INPP5D: variants seen among roughly 807,000 people sequenced by gnomAD.
The protein encoded by INPP5D is phosphatidylinositol 3,4,5-trisphosphate 5-phosphatase 1.
INPP5D carries 33 observed loss-of-function variants against 122.9 expected under a neutral mutation model. That is an observed-to-expected ratio of 0.27 (90% CI 0.20 to 0.36). The LOEUF is 0.36. Ranked by LOEUF, INPP5D falls within the 10% of genes least tolerant of loss-of-function variation. INPP5D has a pLI of 1.00. For synonymous variants in INPP5D, 584 were observed against 576.2 expected (o/e 1.01, Z -0.19); for missense variants, 1,053 against 1,412.7 (o/e 0.75, Z 4.08).
At chr2:233,110,857 G>A (rs541333964) in intron 2 of INPP5D, among the ~76,000 whole-genome samples, 27 of 151,994 alleles carry the variant, frequency 1.8e-4, no homozygotes, top group Non-Finnish European at 3.7e-4. Flanking sequence ...CTCGGGAGGC[G>A]GAGGTTGCAG....
Position 233,197,436 on chromosome 2 carries a change from C to T in INPP5D, c.2694-659C>T, listed in dbSNP as rs1229076080. On this transcript the variant is annotated intron_variant, in intron 24 of 26. Coordinates refer to ENST00000445964, the MANE Select transcript of INPP5D (RefSeq NM_001017915.3). This position sits in a 1 kb window ranked among gnomAD's most constrained non-coding sequence, Gnocchi z 4.4. ...CAGAGGAACCCCTGCTGGAGTCTGC[C>T]CTGAAAATCCCCTCCTTCCTGCCAC... Among the ~76,000 whole-genome samples the T allele has an allele frequency of 1.3e-5, 2 of 152,030 alleles. No individual in the cohort carries two copies. Among genetic ancestry groups the T allele is most frequent in the Admixed American group, 6.6e-5 (1 of 15,258 alleles).
intron 1 of INPP5D, 135 bp from the exon 2 acceptor site, chr2:233,079,200 G>C: frequency 1.5e-6 from 1 of 645,846 alleles, no homozygotes; most frequent in South Asian, 1.7e-5. Flanking sequence ...TCCATCTTAA[G>C]AGAACGGTCA....
At chr2:233,171,282 A>G in intron 17 of INPP5D, 130 bp downstream of exon 17, 1 of 1,399,578 alleles carries the variant, frequency 7.1e-7, no homozygotes, top group African/African-American at 1.5e-5. Flanking sequence ...ATTAGAAAGC[A>G]CATGTTGATT....
In INPP5D at chr2:233,136,645, T is replaced by G. The variant is rs548637916; in HGVS notation, c.666-3197T>G. Among the ~76,000 whole-genome samples the G allele has an allele frequency of 2.0e-5, 3 of 152,324 alleles. No individual in the cohort carries two copies. The East Asian group carries it at 5.8e-4, about 29-fold the overall frequency. On this transcript the variant is annotated intron_variant, in intron 5 of 26. Coordinates refer to ENST00000445964, the MANE Select transcript of INPP5D (RefSeq NM_001017915.3). The stretch of plus-strand genomic sequence containing the variant: ...GATATTCATGAACAAAGATCCAATG[T>G]GTACCAACTATCTGCAAGGCACTGT...
At position 233,169,734 on chromosome 2, in the gene INPP5D, T is replaced by C. The variant is rs928764474; in HGVS notation, c.1653-292T>C. 1.7e-5 allele frequency: 10 copies of C among 585,470 alleles called. No individual in the cohort carries two copies. The African/African-American group carries it at 1.9e-4, about 11-fold the overall frequency. 36.3% of individuals were successfully genotyped at this position (585,470 alleles called of 1,614,324 possible). ...ATCTTGCCTAGCTGGGGCCCAGGAA[T>C]GAAGACAGCCATCTAGAATCTTCAC... On this transcript the variant is annotated intron_variant, in intron 14 of 26. Coordinates refer to ENST00000445964, the MANE Select transcript of INPP5D (RefSeq NM_001017915.3).
intron 2 of INPP5D, among the ~76,000 whole-genome samples, chr2:233,087,980 AT>A (rs375789365): frequency 5.4e-5 from 8 of 147,030 alleles, no homozygotes; most frequent in Admixed American, 2.0e-4. Context: ...TGAGCTCCTC[AT>A]TTTTTTTTTC....
rs1301810339 is a variant in INPP5D at position 233,102,509 on chromosome 2, A to T, written c.199-19598A>T. On this transcript the variant is annotated intron_variant, in intron 2 of 26. Transcript: ENST00000445964. ...TGGCAATTAATTCAGCTCAAATCAG[A>T]GAAGCCACAGCAGAGCTAAGAACCG... Among the ~76,000 whole-genome samples the T allele has an allele frequency of 2.0e-5, 3 of 152,262 alleles. No homozygotes were observed. The East Asian group carries it at 5.8e-4, about 29-fold the overall frequency.
chr2:233,087,079 A>G (rs981978429), intron 2 of INPP5D, among the ~76,000 whole-genome samples: 2 of 152,214 alleles, frequency 1.3e-5, no homozygotes, highest in African/African-American at 2.4e-5. Context: ...TGCTTATTGC[A>G]GGATGGTTTC....
chr2:233,135,345 A>C (rs1057447710), intron 5 of INPP5D, among the ~76,000 whole-genome samples: 1 of 152,026 alleles, frequency 6.6e-6, no homozygotes, highest in Non-Finnish European at 1.5e-5. Context: ...ACAGGCATGC[A>C]CCACCATGCC....
At chr2:233,092,684 G>A (rs903579705) in intron 2 of INPP5D, among the ~76,000 whole-genome samples, 1 of 152,212 alleles carries the variant, frequency 6.6e-6, no homozygotes, top group Non-Finnish European at 1.5e-5. Context: ...ATTGCATGTG[G>A]CAGAAGGAAA....
chr2:233,198,258 C>G lies in INPP5D; in HGVS notation c.2857C>G (p.Leu953Val), dbSNP rs1249543946. The G allele has an allele frequency of 1.2e-6, 2 of 1,613,544 alleles. No individual in the cohort carries two copies. The highest frequency in any genetic ancestry group is 8.5e-7 in the Non-Finnish European group (1 of 1,179,868). ...SYDQPPKDSPLGPCRGESPPT... is the reference protein window; with the variant it reads ...SYDQPPKDSPVGPCRGESPPT... The stretch of plus-strand genomic sequence containing the variant: ...CGACCAGCCGCCCAAGGACTCCCCG[C>G]TGGGGCCCTGCAGGGGAGAAAGTCC... The change falls in exon 25 of 27, where the codon CTG (leucine) becomes GTG (valine). Residue 953 changes from leucine to valine, a missense_variant. By Grantham distance (32) the Leu-to-Val change is conservative. Around this residue, in one of 6 missense-constraint regions of INPP5D, gnomAD observed 417 missense variants for 425.8 expected, o/e 0.98. Transcript: ENST00000445964.
intron 2 of INPP5D, among the ~76,000 whole-genome samples, chr2:233,111,057 G>A (rs1020979904): frequency 1.3e-5 from 2 of 152,036 alleles, no homozygotes; most frequent in African/African-American, 2.4e-5. Context: ...CCCAATTAAT[G>A]TTTTAGCATA....
At chr2:233,148,852 C>T (rs1693845828) in intron 9 of INPP5D, among the ~76,000 whole-genome samples, 1 of 151,922 alleles carries the variant, frequency 6.6e-6, no homozygotes, top group African/African-American at 2.4e-5. Flanking sequence ...GGCTACAACA[C>T]TTTTTTTTAT....
intron 9 of INPP5D, among the ~76,000 whole-genome samples, chr2:233,157,691 G>T (rs36129915): frequency 0.17 from 25,516 of 151,890 alleles, 3,892 homozygotes; most frequent in African/African-American, 0.4. Context: ...ATAGTGGACA[G>T]TCAAAAATGT....
At chr2:233,136,121 A>G (rs186934876) in intron 5 of INPP5D, among the ~76,000 whole-genome samples, 50 of 152,352 alleles carry the variant, frequency 3.3e-4, no homozygotes, top group Non-Finnish European at 1.6e-4. Context: ...ACACTATGTG[A>G]TGCAGCCAAA....
intron 17 of INPP5D, 113 bp downstream of exon 17, chr2:233,171,265 GA>G: frequency 1.4e-6 from 2 of 1,460,166 alleles, no homozygotes; most frequent in Non-Finnish European, 1.8e-6. Flanking sequence ...AAAAAGGAAA[GA>G]AAAAAATTAG....
chr2:233,086,212 C>G (rs902765616), intron 2 of INPP5D, among the ~76,000 whole-genome samples: 1 of 129,042 alleles, frequency 7.7e-6, no homozygotes, highest in Non-Finnish European at 1.7e-5. Flanking sequence ...GAGTTTCGCT[C>G]TTGTTGCCCA....
chr2:233,069,134 C>G (rs1691309317), intron 1 of INPP5D, among the ~76,000 whole-genome samples: 2 of 152,234 alleles, frequency 1.3e-5, no homozygotes, highest in South Asian at 4.1e-4. Flanking sequence ...CTTCAGGCTC[C>G]TGTTGTCCCC....
intron 1 of INPP5D, among the ~76,000 whole-genome samples, chr2:233,061,751 G>T (rs6437087): frequency 0.031 from 4,741 of 152,330 alleles, 271 homozygotes; most frequent in African/African-American, 0.11. Flanking sequence ...GGTTAAGTGA[G>T]TGACAACAGT....
Sources: gnomAD v4.1 joint callset for allele counts (sites outside exome capture counted in the v4.1 genomes callset) on GRCh38, gnomAD v4.1.1 for gene constraint, gnomAD v4.1.1 regional missense constraint, Gnocchi (gnomAD v3.1) non-coding constraint, MANE v1.5 for transcripts, NCBI Gene and HGNC (gene_info 2026-07-23, HGNC 2026-07-21) for gene names.